PRDM16: variants seen among roughly 807,000 people sequenced by gnomAD.
PRDM16 encodes histone-lysine N-methyltransferase PRDM16.
PRDM16 carries 23 observed loss-of-function variants against 110.6 expected under a neutral mutation model. That is an observed-to-expected ratio of 0.21 (90% CI 0.15 to 0.29). The LOEUF (loss-of-function observed/expected upper bound fraction) is 0.29, where lower values mean the gene tolerates loss of function less well. PRDM16 is among the 10% of genes least tolerant of loss of function. The pLI is 1.00. For synonymous variants in PRDM16, 799 were observed against 781.8 expected (o/e 1.02, Z -0.37); for missense variants, 1,615 against 1,794.3 (o/e 0.90, Z 1.81).
chr1:3,325,232 C>A (rs891473538), intron 3 of PRDM16, among the ~76,000 whole-genome samples: 9 of 152,234 alleles, frequency 5.9e-5, no homozygotes, highest in African/African-American at 2.2e-4. Context: ...AATGAGCAGC[C>A]TGCCAGGGAG....
In PRDM16 at chr1:3,432,126, CA is replaced by C; in HGVS notation, c.3683del (p.Gln1228ArgfsTer9). ...SEALKHTLCR[Q>X]AKNQAYAMML... is the part of the protein sequence containing the mutation. ...GGCTTTAAAACATACACTGTGCAGG[CA>C]GGCTAAGAACCAGGTAGGTACCCGC... On this transcript the variant is annotated frameshift_variant, in exon 16 of 17. Coordinates refer to ENST00000270722, the MANE Select transcript of PRDM16 (RefSeq NM_022114.4). LOFTEE classifies it low-confidence loss of function (END_TRUNC). The C allele has an allele frequency of 6.2e-7, 1 of 1,613,584 alleles. No individual in the cohort carries two copies. Among genetic ancestry groups the C allele is most frequent in the South Asian group, 1.1e-5 (1 of 91,068 alleles).
chr1:3,114,189 A>ACACG (rs1443091643), intron 1 of PRDM16, among the ~76,000 whole-genome samples: 7 of 86,542 alleles, frequency 8.1e-5, no homozygotes, highest in South Asian at 4.2e-4. Context: ...ACACACGCAC[A>ACACG]CACGCACACG....
At chr1:3,336,588 G>A (rs1642157605) in intron 3 of PRDM16, among the ~76,000 whole-genome samples, 1 of 149,126 alleles carries the variant, frequency 6.7e-6, no homozygotes. Context: ...CTGAGTGCAT[G>A]CATGCACATC....
rs115488419 is a variant in PRDM16 at position 3,438,062 on chromosome 1, A to G, written c.*4251A>G. On this transcript the variant is annotated 3_prime_UTR_variant, in exon 17 of 17. Transcript: ENST00000270722. ...GTTTTGTTTTTTCTTTTAGAACTGTATAGTATTGAAAAAGAAATCAAATGT... is the reference window on the plus strand; with the variant it reads ...GTTTTGTTTTTTCTTTTAGAACTGTGTAGTATTGAAAAAGAAATCAAATGT... The G allele has an allele frequency of 2.8e-3, 569 of 205,902 alleles. 1 individual carries two copies. Among genetic ancestry groups the G allele is most frequent in the African/African-American group, 0.012 (528 of 43,954 alleles). The allele number at this position is 205,902 out of a possible 1,614,324, so 12.8% of individuals were successfully genotyped here. A position where few individuals can be genotyped will look rare whatever the true frequency, so the allele number is the denominator to read the frequency against.
In PRDM16 at chr1:3,433,737, T is replaced by C. The variant is rs903199574; in HGVS notation, c.3757T>C (p.Ser1253Pro). The C allele has an allele frequency of 6.2e-6, 10 of 1,613,898 alleles. No homozygotes were observed. In the Admixed American group the frequency reaches 1.2e-4, roughly 19 times the overall value. ...TCCTCTCCACACCCCCTCCCAGGGT[T>C]CTCTGGACGCTTGGTTGAAGGTCAC... ...DTPLHTPSQGSLDAWLKVTGA... is the reference protein window; with the variant it reads ...DTPLHTPSQGPLDAWLKVTGA... Residue 1253 changes from serine to proline, a missense_variant, in exon 17 of 17, where the codon TCT (serine) becomes CCT (proline). Transcript: ENST00000270722.
intron 1 of PRDM16, among the ~76,000 whole-genome samples, chr1:3,106,380 G>A (rs1346168472): frequency 6.6e-6 from 1 of 152,184 alleles, no homozygotes; most frequent in Non-Finnish European, 1.5e-5. Context: ...TGGTGCTTCT[G>A]AGGAGGACTG....
intron 11 of PRDM16, among the ~76,000 whole-genome samples, chr1:3,418,366 C>A (rs559259377): frequency 2.0e-5 from 3 of 152,328 alleles, no homozygotes; most frequent in Non-Finnish European, 2.9e-5. Context: ...CCCGGCCACC[C>A]TCTGCTGGTG....
intron 1 of PRDM16, among the ~76,000 whole-genome samples, chr1:3,141,545 A>G (rs1411522587): frequency 3.3e-5 from 5 of 152,240 alleles, no homozygotes; most frequent in Non-Finnish European, 7.3e-5. Context: ...TATCAGTGAG[A>G]TATCAAAGCC....
At chr1:3,381,088 C>T (rs1339225981) in intron 3 of PRDM16, among the ~76,000 whole-genome samples, 3 of 152,222 alleles carry the variant, frequency 2.0e-5, no homozygotes, top group Non-Finnish European at 4.4e-5. Context: ...TCAATGTCCT[C>T]CTGCTGGCTT....
chr1:3,395,702 C>T (rs1643375478), intron 4 of PRDM16, among the ~76,000 whole-genome samples: 1 of 152,134 alleles, frequency 6.6e-6, no homozygotes, highest in South Asian at 2.1e-4. Flanking sequence ...TGCTAATTTT[C>T]TTCATCTCGA....
chr1:3,361,972 C>T lies in PRDM16; in HGVS notation c.439-23180C>T, dbSNP rs532379138. ...CAGGTGGTGAGAAGTGACCGTGGCC[C>T]AGGAGGGCAGGTGGTGAGAAGTGAC... On this transcript the variant is annotated intron_variant, in intron 3 of 16. Coordinates refer to ENST00000270722, the MANE Select transcript of PRDM16 (RefSeq NM_022114.4). Among the ~76,000 whole-genome samples, 44 of 150,220 alleles carry T rather than the reference C, an allele frequency of 2.9e-4. 1 individual carries two copies. In the South Asian group the frequency reaches 9.2e-3, roughly 31 times the overall value.
At chr1:3,283,573 G>A (rs762261262) in intron 3 of PRDM16, among the ~76,000 whole-genome samples, 3 of 152,116 alleles carry the variant, frequency 2.0e-5, no homozygotes, top group African/African-American at 4.8e-5. Context: ...GAAGGGTTAC[G>A]GGGACCAGAC....
In PRDM16 at chr1:3,240,407, C is replaced by CAAA. The variant is rs113979441; in HGVS notation, c.388-3666_388-3664dup. ...CCAGCCTGGGTGAGACAACCTGTTT[C>CAAA]AAAAAAAAAAAAAAAACAGAAAAAG... is the stretch of plus-strand genomic sequence containing the variant. On this transcript the variant is annotated intron_variant, in intron 2 of 16. Coordinates refer to ENST00000270722, the MANE Select transcript of PRDM16 (RefSeq NM_022114.4). Among the ~76,000 whole-genome samples, 306 of 105,296 alleles carry CAAA rather than the reference C, an allele frequency of 2.9e-3. 2 individuals carry two copies. The highest frequency in any genetic ancestry group is 5.5e-3 in the Middle Eastern group (1 of 182). The allele number at this position is 105,296 out of a possible 152,430, so 69.1% of individuals were successfully genotyped here. A position where few individuals can be genotyped will look rare whatever the true frequency, so the allele number is the denominator to read the frequency against.
In PRDM16 at chr1:3,393,846, C is replaced by A. The variant is rs147375066; in HGVS notation, c.574-2645C>A. On this transcript the variant is annotated intron_variant, in intron 4 of 16. Coordinates refer to ENST00000270722, the MANE Select transcript of PRDM16 (RefSeq NM_022114.4). Reference sequence around the variant, plus strand: ...AAGCAGTTGGAGGCAGGTCGGGGACCCCCGCCCCCGCCCCGCCCCGCCTCG... The same window carrying A: ...AAGCAGTTGGAGGCAGGTCGGGGACACCCGCCCCCGCCCCGCCCCGCCTCG... 6.3e-3 allele frequency among the ~76,000 whole-genome samples: 961 copies of A among 152,284 alleles called. 16 individuals are homozygous for A. Among genetic ancestry groups the A allele is most frequent in the African/African-American group, 0.022 (904 of 41,558 alleles).
intron 3 of PRDM16, among the ~76,000 whole-genome samples, chr1:3,335,370 A>G (rs923417470): frequency 6.6e-5 from 10 of 152,204 alleles, no homozygotes; most frequent in African/African-American, 1.9e-4. Context: ...ATAGCAGGAC[A>G]TGGAAGCCCT....
chr1:3,408,951 G>A (rs1402231858), intron 8 of PRDM16, among the ~76,000 whole-genome samples: 5 of 149,534 alleles, frequency 3.3e-5, no homozygotes, highest in African/African-American at 1.2e-4. Flanking sequence ...AGAGTGAGGG[G>A]CGTGTGAGCC....
Position 3,168,362 on chromosome 1 carries a change from C to A in PRDM16, c.38-17763C>A, listed in dbSNP as rs532569536. 4.9e-5 allele frequency among the ~76,000 whole-genome samples: 7 copies of A among 141,924 alleles called. 1 individual carries two copies. The highest frequency in any genetic ancestry group is 8.1e-5 in the African/African-American group (3 of 37,172). The allele number at this position is 141,924 out of a possible 152,430, so 93.1% of individuals were successfully genotyped here. A position where few individuals can be genotyped will look rare whatever the true frequency, so the allele number is the denominator to read the frequency against. Reference sequence around the variant, plus strand: ...CCCATGCAGCCATCCTCCTGCCCCACCCCTGCCTGGTTTTCTGGAACCCCT... The same window carrying A: ...CCCATGCAGCCATCCTCCTGCCCCAACCCTGCCTGGTTTTCTGGAACCCCT... On this transcript the variant is annotated intron_variant, in intron 1 of 16. Transcript: ENST00000270722.
At chr1:3,256,856 CAAAAT>C (rs142527363) in intron 3 of PRDM16, among the ~76,000 whole-genome samples, 34,386 of 151,760 alleles carry the variant, frequency 0.23, 4,168 homozygotes, top group Middle Eastern at 0.32. Flanking sequence ...GACTCCATCT[CAAAAT>C]AAATAAATAA....
chr1:3,253,800 G>A (rs1639992670), intron 3 of PRDM16, among the ~76,000 whole-genome samples: 1 of 152,056 alleles, frequency 6.6e-6, no homozygotes, highest in Admixed American at 6.5e-5. Context: ...TTCCACAATG[G>A]TTGAACTAGT....
Sources: gnomAD v4.1 joint callset for allele counts (sites outside exome capture counted in the v4.1 genomes callset) on GRCh38, gnomAD v4.1.1 for gene constraint, MANE v1.5 for transcripts, NCBI Gene and HGNC (gene_info 2026-07-23, HGNC 2026-07-21) for gene names.